The following ZNF503 variants were observed in gnomAD, a reference collection of about 807,000 sequenced individuals.
ZNF503 encodes zinc finger protein 503.
Under a neutral mutation model 34.4 loss-of-function variants are expected in ZNF503, and 15 were observed. That is an observed-to-expected ratio of 0.44 (90% CI 0.29 to 0.67). ZNF503 has a LOEUF of 0.67. Ranked by LOEUF, ZNF503 falls within the 30% of genes least tolerant of loss-of-function variation. ZNF503 has a pLI of 0.13. For synonymous variants in ZNF503, 580 were observed against 456.8 expected, an observed-to-expected ratio of 1.27 and a Z score of -3.44; for missense variants, 1,007 against 926.8, an observed-to-expected ratio of 1.09 and a Z score of -1.12.
At chr10:75,366,052 G>A in the ZNF503 span, among the ~76,000 whole-genome samples, 220 of 152,278 alleles carry the variant, frequency 1.4e-3, no homozygotes, top group African/African-American at 3.8e-3. Context: ...CCCCTTGGCC[G>A]CAAAGATTCA....
the ZNF503 span, among the ~76,000 whole-genome samples, chr10:75,299,506 T>C: frequency 1.3e-5 from 2 of 152,204 alleles, no homozygotes; most frequent in Non-Finnish European, 2.9e-5. Flanking sequence ...TCAGTGCATA[T>C]ATATTTATAA....
At chr10:75,324,330 T>TC in the ZNF503 span, among the ~76,000 whole-genome samples, 1 of 151,074 alleles carries the variant, frequency 6.6e-6, no homozygotes, top group Non-Finnish European at 1.5e-5. Context: ...GTTTTTCTGT[T>TC]TTTTTTTTGA....
chr10:75,311,508 A>G, the ZNF503 span, among the ~76,000 whole-genome samples: 3 of 152,178 alleles, frequency 2.0e-5, no homozygotes, highest in Non-Finnish European at 4.4e-5. Flanking sequence ...GAAAGCAGCC[A>G]TGATAAACAT....
At chr10:75,374,999 T>A in the ZNF503 span, among the ~76,000 whole-genome samples, 2 of 152,204 alleles carry the variant, frequency 1.3e-5, no homozygotes, top group South Asian at 4.2e-4. Flanking sequence ...TGCCCCACTA[T>A]CTCTCTATTA....
At chr10:75,322,323 C>T in the ZNF503 span, among the ~76,000 whole-genome samples, 1 of 151,920 alleles carries the variant, frequency 6.6e-6, no homozygotes, top group African/African-American at 2.4e-5. Context: ...AGGGTTTCAC[C>T]ATGTTGGCCA....
In ZNF503 at chr10:75,400,232, C is replaced by G; in HGVS notation, c.458G>C (p.Gly153Ala). Residue 153 changes from glycine (G) to alanine (A), a missense_variant, in exon 2 of 2, where the codon GGC becomes GCC. Coordinates refer to ENST00000372524, the MANE Select transcript of ZNF503 (RefSeq NM_032772.6). ...GGGGCCCGATTTGGTGTCCTTGTCG[C>G]CCGCAGCACCGCCGCCGGCACCGCC... The part of the protein sequence containing the change: ...GAGGAGGGAA[G>A]DKDTKSGPLK... 1.2e-6 allele frequency: 2 copies of G among 1,610,450 alleles called. No homozygotes were observed. Among genetic ancestry groups the G allele is most frequent in the Non-Finnish European group, 1.7e-6 (2 of 1,179,046 alleles).
chr10:75,363,927 C>T, the ZNF503 span, among the ~76,000 whole-genome samples: 1 of 152,236 alleles, frequency 6.6e-6, no homozygotes, highest in African/African-American at 2.4e-5. Flanking sequence ...TGCAGCCATA[C>T]TGTGGCCCTT....
the ZNF503 span, among the ~76,000 whole-genome samples, chr10:75,381,660 T>C: frequency 6.6e-6 from 1 of 152,156 alleles, no homozygotes; most frequent in East Asian, 1.9e-4. Context: ...AATAGAACTT[T>C]GAGTCTCTGA....
chr10:75,329,400 T>TC, the ZNF503 span, among the ~76,000 whole-genome samples: 1 of 85,074 alleles, frequency 1.2e-5, no homozygotes, highest in African/African-American at 4.5e-5. Context: ...CTTCCTTCCT[T>TC]CCTTCCTTCC....
rs1843749527 is a variant in ZNF503, at chr10:75,399,393, G to T, written c.1297C>A (p.Leu433Ile). 1 of 1,605,940 alleles carries T rather than the reference G, an allele frequency of 6.2e-7. No individual in the cohort carries two copies. Among genetic ancestry groups the T allele is most frequent in the Non-Finnish European group, 8.5e-7 (1 of 1,178,660 alleles). ...TASLCRDPYC[L>I]SYHCASHLAG... ...AGGTGGCTAGCGCAGTGGTAGCTGA[G>T]GCAGTAAGGGTCCCGGCACAAACTG... Residue 433 changes from leucine (L) to isoleucine (I), a missense_variant, in exon 2 of 2, where the codon CTC (leucine) becomes ATC (isoleucine). Leu to Ile is a conservative substitution (Grantham distance 5). Transcript: ENST00000372524.
At chr10:75,395,533 C>G (rs1488197079), downstream of ZNF503, among the ~76,000 whole-genome samples, 1 of 152,106 alleles carries the variant, frequency 6.6e-6, no homozygotes, top group East Asian at 1.9e-4. The surrounding 1 kb of genome is among the most constrained non-coding windows in gnomAD (Gnocchi z 4.4). Flanking sequence ...CAGCCGCCAG[C>G]CGGCGCGCCG....
At chr10:75,388,534 A>G in the ZNF503 span, among the ~76,000 whole-genome samples, 391 of 152,318 alleles carry the variant, frequency 2.6e-3, no homozygotes, top group Middle Eastern at 0.01. Context: ...AAAGAGTGAA[A>G]GGCACAAGAA....
At chr10:75,378,975 G>C in the ZNF503 span, among the ~76,000 whole-genome samples, 1 of 151,990 alleles carries the variant, frequency 6.6e-6, no homozygotes. Flanking sequence ...TTCCTCACCT[G>C]TGCCTCTCCA....
downstream of ZNF503, among the ~76,000 whole-genome samples, chr10:75,397,296 C>G (rs1385837686): frequency 1.3e-5 from 2 of 152,160 alleles, no homozygotes; most frequent in African/African-American, 4.8e-5. Context: ...AGGACGCACT[C>G]TCCCCTAGGG....
the ZNF503 span, among the ~76,000 whole-genome samples, chr10:75,293,304 G>A: frequency 3.3e-5 from 5 of 152,196 alleles, no homozygotes. Context: ...GGGGTCATAG[G>A]ACATCAGAGG....
the ZNF503 span, among the ~76,000 whole-genome samples, chr10:75,301,707 G>A: frequency 2.0e-5 from 3 of 151,832 alleles, no homozygotes; most frequent in South Asian, 2.1e-4. Flanking sequence ...AATTTATCAT[G>A]ATCTATTTCA....
chr10:75,346,940 G>A, the ZNF503 span, among the ~76,000 whole-genome samples: 4 of 151,964 alleles, frequency 2.6e-5, no homozygotes, highest in Non-Finnish European at 4.4e-5. Flanking sequence ...TAGCTGCCGC[G>A]CCTGGCCAGG....
chr10:75,372,112 A>C, the ZNF503 span, among the ~76,000 whole-genome samples: 2 of 152,112 alleles, frequency 1.3e-5, no homozygotes, highest in African/African-American at 2.4e-5. Flanking sequence ...TTGTAGTTTT[A>C]GTAGAGACAG....
the ZNF503 span, among the ~76,000 whole-genome samples, chr10:75,319,011 G>A: frequency 6.6e-6 from 1 of 151,618 alleles, no homozygotes; most frequent in Non-Finnish European, 1.5e-5. Flanking sequence ...CCAGGTTGGA[G>A]TGCAGCGATG....
Sources: gnomAD v4.1 joint callset for allele counts (sites outside exome capture counted in the v4.1 genomes callset) on GRCh38, gnomAD v4.1.1 for gene constraint, Gnocchi (gnomAD v3.1) non-coding constraint, MANE v1.5 for transcripts, NCBI Gene and HGNC (gene_info 2026-07-23, HGNC 2026-07-21) for gene names.